EFNA5: variants seen among roughly 807,000 people sequenced by gnomAD.
EFNA5 encodes ephrin A5.
In EFNA5, 5 loss-of-function variants were observed where a neutral mutation model predicts 22.9. The ratio of observed to expected loss-of-function variants is 0.22; its 90% CI spans 0.11 to 0.46. The LOEUF is 0.46. Among genes scored for constraint, EFNA5 ranks in the 20% least tolerant of loss-of-function variants. The pLI, the probability that EFNA5 is intolerant of heterozygous loss-of-function variation, is 0.99. For missense variants in EFNA5, 237 were observed against 293.3 expected (o/e 0.81, Z 1.40); for synonymous variants, 113 against 112.2 (o/e 1.01, Z -0.04).
intron 1 of EFNA5, among the ~76,000 whole-genome samples, chr5:107,490,760 G>T (rs1468071956): frequency 6.6e-6 from 1 of 152,122 alleles, no homozygotes; most frequent in African/African-American, 2.4e-5. Flanking sequence ...GCCTTACAGC[G>T]GCTACTCAGA....
At chr5:107,503,572 T>C (rs778235008) in intron 1 of EFNA5, among the ~76,000 whole-genome samples, 4 of 152,218 alleles carry the variant, frequency 2.6e-5, no homozygotes, top group Non-Finnish European at 5.9e-5. Context: ...TCATTTAACC[T>C]ATGGCTATGT....
At chr5:107,414,040 G>T (rs1483529336) in intron 2 of EFNA5, among the ~76,000 whole-genome samples, 1 of 152,120 alleles carries the variant, frequency 6.6e-6, no homozygotes, top group African/African-American at 2.4e-5. Context: ...TTCAAGTCTT[G>T]AATTCAGACC....
intron 3 of EFNA5, 31 bp downstream of exon 3, chr5:107,387,675 C>T: frequency 6.4e-7 from 1 of 1,558,454 alleles, no homozygotes; most frequent in Non-Finnish European, 8.8e-7. Flanking sequence ...GCGGTGAAGC[C>T]ACCCTCTGAA....
chr5:107,477,637 G>T (rs1025450211), intron 1 of EFNA5, among the ~76,000 whole-genome samples: 6 of 152,050 alleles, frequency 3.9e-5, no homozygotes, highest in African/African-American at 1.4e-4. Flanking sequence ...TAACCTGATA[G>T]TAATAACTAA....
rs116082245 is a variant in EFNA5 at position 107,479,873 on chromosome 5, C to T, written c.126-52364G>A. 1.9e-3 allele frequency among the ~76,000 whole-genome samples: 291 copies of T among 152,206 alleles called. 1 individual carries two copies. The highest frequency in any genetic ancestry group is 6.8e-3 in the African/African-American group (281 of 41,526). On this transcript the variant is annotated intron_variant, in intron 1 of 4. Transcript: ENST00000333274. ...CAGAGCTCATGGTCTTAATTTGCTA[C>T]ACTATCTTAAAGTAATGGAAAAAAT...
At chr5:107,505,259 A>G (rs1747225222) in intron 1 of EFNA5, among the ~76,000 whole-genome samples, 1 of 152,230 alleles carries the variant, frequency 6.6e-6, no homozygotes, top group South Asian at 2.1e-4. Flanking sequence ...TTCAAATAAT[A>G]TCAAATGATT....
At chr5:107,590,524 G>C (rs1033140167) in intron 1 of EFNA5, among the ~76,000 whole-genome samples, 1 of 152,146 alleles carries the variant, frequency 6.6e-6, no homozygotes. Flanking sequence ...AAGTAACTGG[G>C]ACTAAAGGCA....
intron 1 of EFNA5, among the ~76,000 whole-genome samples, chr5:107,495,529 T>C (rs747870229): frequency 9.8e-5 from 15 of 152,338 alleles, no homozygotes; most frequent in Admixed American, 2.0e-4. Flanking sequence ...TGTCATGACT[T>C]AGGCAGTAAG....
chr5:107,510,639 T>C (rs891742967), intron 1 of EFNA5, among the ~76,000 whole-genome samples: 2 of 152,228 alleles, frequency 1.3e-5, no homozygotes, highest in Non-Finnish European at 2.9e-5. Context: ...AGGTGCTTAG[T>C]ACGTTTTCTT....
At chr5:107,414,054 C>T (rs748101561) in intron 2 of EFNA5, among the ~76,000 whole-genome samples, 1 of 152,184 alleles carries the variant, frequency 6.6e-6, no homozygotes, top group Non-Finnish European at 1.5e-5. Context: ...TCAGACCCAT[C>T]CATTCCTACT....
chr5:107,519,281 A>C (rs1188045563), intron 1 of EFNA5, among the ~76,000 whole-genome samples: 1 of 152,230 alleles, frequency 6.6e-6, no homozygotes, highest in Non-Finnish European at 1.5e-5. Context: ...TGCTTATAGA[A>C]CATCAGTTAA....
intron 1 of EFNA5, among the ~76,000 whole-genome samples, chr5:107,496,298 T>C (rs1746980406): frequency 6.9e-6 from 1 of 144,444 alleles, no homozygotes. Context: ...ATCATACCAT[T>C]GTATTCCAGC....
At chr5:107,396,229 T>C (rs901315683) in intron 2 of EFNA5, among the ~76,000 whole-genome samples, 2 of 152,254 alleles carry the variant, frequency 1.3e-5, no homozygotes, top group African/African-American at 4.8e-5. Flanking sequence ...TTTGAGTGTA[T>C]GCATAATGAT....
At chr5:107,484,370 A>G (rs1746521026) in intron 1 of EFNA5, among the ~76,000 whole-genome samples, 1 of 152,204 alleles carries the variant, frequency 6.6e-6, no homozygotes, top group South Asian at 2.1e-4. Context: ...AGCAACGGTA[A>G]CAATGGAGAA....
At chr5:107,410,428 G>A (rs1203998787) in intron 2 of EFNA5, among the ~76,000 whole-genome samples, 2 of 152,290 alleles carry the variant, frequency 1.3e-5, no homozygotes, top group Middle Eastern at 3.4e-3. Flanking sequence ...AGGACTAGAT[G>A]ATGAATGGTA....
intron 1 of EFNA5, among the ~76,000 whole-genome samples, chr5:107,533,733 T>G (rs1580516690): frequency 6.6e-6 from 1 of 152,258 alleles, no homozygotes; most frequent in East Asian, 1.9e-4. Flanking sequence ...AAATTGGGCA[T>G]GTGGAAAGCA....
At chr5:107,511,031 TGTGTGTGTGTGA>T (rs891628609) in intron 1 of EFNA5, among the ~76,000 whole-genome samples, 3 of 151,580 alleles carry the variant, frequency 2.0e-5, no homozygotes, top group Non-Finnish European at 4.4e-5. Flanking sequence ...TGTGTGTGTG[TGTGTGTGTGTGA>T]GACGGAGAGT....
At chr5:107,545,551 G>GT (rs1427185305) in intron 1 of EFNA5, among the ~76,000 whole-genome samples, 6 of 152,140 alleles carry the variant, frequency 3.9e-5, no homozygotes, top group African/African-American at 1.2e-4. Flanking sequence ...GGATGAGGAT[G>GT]TATTTATTTT....
At chr5:107,548,499 A>G (rs1748218785) in intron 1 of EFNA5, among the ~76,000 whole-genome samples, 1 of 152,190 alleles carries the variant, frequency 6.6e-6, no homozygotes, top group African/African-American at 2.4e-5. Context: ...GTTTTTTTGC[A>G]AGGTGAGTAA....
Sources: allele counts gnomAD v4.1 joint callset (sites outside exome capture counted in the v4.1 genomes callset), GRCh38; gene constraint gnomAD v4.1.1; transcripts MANE v1.5; gene names NCBI Gene and HGNC (gene_info 2026-07-23, HGNC 2026-07-21).